Variants in TAF1 observed in about 807,000 individuals in gnomAD.
TAF1 encodes transcription initiation factor TFIID subunit 1.
A neutral mutation model predicts 138.5 loss-of-function variants in TAF1; 2 were observed. The observed-to-expected ratio is 0.01, with a 90% confidence interval of 0.01 to 0.05. The LOEUF is 0.05. Among genes scored for constraint, TAF1 ranks in the 10% least tolerant of loss-of-function variants. The probability of loss-of-function intolerance (pLI) is 1.00; values close to 1 mark genes in which losing one functional copy is unlikely to be tolerated. For synonymous variants in TAF1, 437 were observed against 503.2 expected (o/e 0.87, Z 1.76); for missense variants, 709 against 1,478.0 (o/e 0.48, Z 8.53).
intron 13 of TAF1, among the ~76,000 whole-genome samples, chrX:71,479,854 A>G (rs1023501426): frequency 1.8e-5 from 2 of 111,838 alleles, no homozygotes; most frequent in South Asian, 7.4e-4. Context: ...GGAAGGTGAG[A>G]AAGCAGCTAG....
intron 32 of TAF1, among the ~76,000 whole-genome samples, chrX:71,452,510 G>A (rs1239565922): frequency 1.8e-5 from 2 of 110,050 alleles, no homozygotes; most frequent in Non-Finnish European, 3.8e-5. Context: ...GATGGCGGCC[G>A]GGAAGAAGCG....
At chrX:71,523,180 CAAAAAAAA>C (rs754302629) in intron 13 of TAF1, among the ~76,000 whole-genome samples, 1 of 15,374 alleles carries the variant, frequency 6.5e-5, no homozygotes, top group Non-Finnish European at 1.3e-4. Context: ...GACTCCCTCT[CAAAAAAAA>C]AAAAAAAAAA....
At chrX:71,452,516 A>G (rs1246276933) in intron 32 of TAF1, among the ~76,000 whole-genome samples, 1 of 109,325 alleles carries the variant, frequency 9.1e-6, no homozygotes, top group African/African-American at 3.4e-5. Context: ...GGCCGGGAAG[A>G]AGCGCTCCTC....
intron 16 of TAF1, 21 bp from the exon 17 acceptor site, chrX:71,388,717 C>G: frequency 8.3e-7 from 1 of 1,210,871 alleles, no homozygotes; most frequent in Non-Finnish European, 1.1e-6. Flanking sequence ...GTCTCATTCT[C>G]TATGTATATG....
At chrX:71,444,688 A>C (rs772310211) in intron 32 of TAF1, among the ~76,000 whole-genome samples, 5 of 111,291 alleles carry the variant, frequency 4.5e-5, no homozygotes, top group African/African-American at 1.6e-4. Flanking sequence ...GTCAAGGCGA[A>C]GTCCTGGGAT....
intron 28 of TAF1, among the ~76,000 whole-genome samples, chrX:71,412,225 A>G (rs1191696007): frequency 9.2e-6 from 1 of 108,489 alleles, no homozygotes; most frequent in African/African-American, 3.4e-5. Flanking sequence ...CTCGGGCTCA[A>G]GGAATCCTCC....
chrX:71,458,063 A>C (rs1487407163), intron 34 of TAF1, among the ~76,000 whole-genome samples, 178 bp from the exon 35 acceptor site: 1 of 112,866 alleles, frequency 8.9e-6, no homozygotes, highest in African/African-American at 3.2e-5. Context: ...GTCTACTAGA[A>C]TAGGCAACAT....
At chrX:71,407,521 ATG>A (rs2035537827) in intron 26 of TAF1, 51 bp from the exon 27 acceptor site, 1 of 1,106,093 alleles carries the variant, frequency 9.0e-7, no homozygotes, top group Non-Finnish European at 1.2e-6. Flanking sequence ...CCTGGACAGA[ATG>A]TGGATTTTTT....
chrX:71,430,385 CAAAAA>C (rs746183306), intron 32 of TAF1, among the ~76,000 whole-genome samples: 59 of 35,103 alleles, frequency 1.7e-3, no homozygotes, highest in African/African-American at 5.9e-3. Flanking sequence ...CTCCGTCTCA[CAAAAA>C]AAAAAAAAAA....
At chrX:71,473,951 T>C (rs1456141805) in intron 13 of TAF1, among the ~76,000 whole-genome samples, 2 of 110,557 alleles carry the variant, frequency 1.8e-5, no homozygotes, top group Non-Finnish European at 3.8e-5. Flanking sequence ...TCGAGACCAG[T>C]GTAGGCAACA....
At chrX:71,436,030 G>T in intron 32 of TAF1, among the ~76,000 whole-genome samples, 1 of 98,470 alleles carries the variant, frequency 1.0e-5, no homozygotes. Flanking sequence ...TAATTGAAAT[G>T]CTACCTCCTT....
At chrX:71,491,173 A>G (rs2039277467) in intron 13 of TAF1, 1 of 108,670 alleles carries the variant, frequency 9.2e-6, no homozygotes, top group African/African-American at 3.4e-5. Flanking sequence ...CAGCCAGCCC[A>G]TCTTTTTCAT....
Position 71,408,170 on chromosome X carries a change from G to A in TAF1, c.4384+19G>A, listed in dbSNP as rs200024631. 153 of 1,205,861 alleles carry A rather than the reference G, an allele frequency of 1.3e-4. No homozygotes were observed. The highest frequency in any genetic ancestry group is 1.6e-4 in the Non-Finnish European group (145 of 893,043). ...TACAATGGTAAGAATCAAATGTTCC[G>A]TGATTGCAAAGGTCACTGTTCAGAT... On this transcript the variant is annotated intron_variant, in intron 28 of 37. Coordinates refer to ENST00000423759, the MANE Select transcript of TAF1 (RefSeq NM_004606.5).
intron 28 of TAF1, among the ~76,000 whole-genome samples, chrX:71,417,200 G>A (rs1039271694): frequency 2.7e-5 from 3 of 109,263 alleles, no homozygotes; most frequent in Non-Finnish European, 5.7e-5. Flanking sequence ...GGCTTCATAA[G>A]AAGAGGAAAA....
At chrX:71,420,954 C>G (rs2036311637) in intron 28 of TAF1, among the ~76,000 whole-genome samples, 1 of 112,877 alleles carries the variant, frequency 8.9e-6, no homozygotes, top group South Asian at 3.6e-4. Context: ...GAGGCCTGAC[C>G]GCCTGCAGCC....
At chrX:71,512,029 A>AG (rs1167135212) in intron 13 of TAF1, among the ~76,000 whole-genome samples, 2 of 105,716 alleles carry the variant, frequency 1.9e-5, no homozygotes, top group African/African-American at 6.9e-5. Context: ...AAAAAAAAAA[A>AG]GGGGGCTGGG....
chrX:71,490,067 C>T (rs1282712143), intron 13 of TAF1, among the ~76,000 whole-genome samples: 1 of 111,370 alleles, frequency 9.0e-6, no homozygotes, highest in Non-Finnish European at 1.9e-5. Flanking sequence ...TCCACTTTCC[C>T]CTCCTACTTG....
rs953485123 is a variant in TAF1, at chrX:71,465,115, A to G, written c.*1069A>G. ...TGTTCCTAGAATCATAAAATCCTCA[A>G]CAGATATGTTACTGAGCATCTGCTT... On this transcript the variant is annotated 3_prime_UTR_variant, in exon 38 of 38. Transcript: ENST00000423759. 4 of 111,474 alleles carry G rather than the reference A, an allele frequency of 3.6e-5. No homozygotes were observed. The highest frequency in any genetic ancestry group is 1.3e-4 in the African/African-American group (4 of 30,644). The allele number at this position is 111,474 out of a possible 1,213,427, so 9.2% of individuals were successfully genotyped here.
chrX:71,391,847 G>A (rs969961090), intron 18 of TAF1, among the ~76,000 whole-genome samples: 1 of 110,174 alleles, frequency 9.1e-6, no homozygotes, highest in African/African-American at 3.3e-5. Flanking sequence ...GGCTGGTCTT[G>A]AACTCCTGGC....
Sources: allele counts gnomAD v4.1 joint callset (sites outside exome capture counted in the v4.1 genomes callset), GRCh38; gene constraint gnomAD v4.1.1; transcripts MANE v1.5; gene names NCBI Gene and HGNC (gene_info 2026-07-23, HGNC 2026-07-21).